The following PDE4B variants were observed in gnomAD, a reference collection of about 807,000 sequenced individuals.
The protein encoded by PDE4B is phosphodiesterase 4B.
PDE4B carries 20 observed loss-of-function variants against 82.2 expected under a neutral mutation model. The ratio of observed to expected loss-of-function variants is 0.24; its 90% CI spans 0.17 to 0.35. The LOEUF is 0.35. PDE4B is among the 10% of genes least tolerant of loss of function. The pLI, the probability that PDE4B is intolerant of heterozygous loss-of-function variation, is 1.00. For missense variants in PDE4B, 655 were observed against 907.2 expected (o/e 0.72, Z 3.57); for synonymous variants, 320 against 318.9 (o/e 1.00, Z -0.04).
At chr1:65,806,522 A>G (rs1179184656) in intron 1 of PDE4B, among the ~76,000 whole-genome samples, 1 of 152,234 alleles carries the variant, frequency 6.6e-6, no homozygotes, top group Admixed American at 6.5e-5. Context: ...AAACTGATTC[A>G]CTTTCAGAGT....
At chr1:66,167,811 C>T (rs1451576156) in intron 3 of PDE4B, among the ~76,000 whole-genome samples, 1 of 152,114 alleles carries the variant, frequency 6.6e-6, no homozygotes, top group East Asian at 1.9e-4. Flanking sequence ...TTAAAATTCT[C>T]CTTATCCAAT....
chr1:66,242,755 A>T (rs201920938), intron 3 of PDE4B, among the ~76,000 whole-genome samples: 5 of 110,896 alleles, frequency 4.5e-5, no homozygotes, highest in East Asian at 4.8e-4. Context: ...TTTTCCTCCC[A>T]GGCTTATGAA....
chr1:66,075,866 T>A (rs904572753), intron 3 of PDE4B, among the ~76,000 whole-genome samples: 6 of 151,924 alleles, frequency 3.9e-5, no homozygotes, highest in Non-Finnish European at 8.8e-5. Flanking sequence ...TCTATGTTTT[T>A]AATGCCGGCA....
intron 3 of PDE4B, among the ~76,000 whole-genome samples, chr1:66,044,164 C>T (rs909373377): frequency 6.6e-6 from 1 of 151,634 alleles, no homozygotes; most frequent in East Asian, 1.9e-4. Context: ...TTCTAAAGGA[C>T]TGAAAAGGGG....
intron 3 of PDE4B, among the ~76,000 whole-genome samples, chr1:66,216,096 C>G (rs1650435351): frequency 6.6e-6 from 1 of 152,010 alleles, no homozygotes; most frequent in Non-Finnish European, 1.5e-5. Context: ...GACTGGACCA[C>G]TGGGTGCCCA....
intron 7 of PDE4B, chr1:66,330,832 G>A: frequency 1.4e-5 from 14 of 975,794 alleles, no homozygotes; most frequent in Non-Finnish European, 1.7e-5. Flanking sequence ...ATGAAGAAAG[G>A]AAGGAAGGTA....
chr1:65,900,478 A>G (rs1032151150), intron 1 of PDE4B, among the ~76,000 whole-genome samples: 3 of 151,792 alleles, frequency 2.0e-5, no homozygotes, highest in Non-Finnish European at 2.9e-5. Flanking sequence ...GAATAGTTTT[A>G]TTCTAATTCT....
At chr1:66,170,830 T>C (rs968877493) in intron 3 of PDE4B, among the ~76,000 whole-genome samples, 1 of 152,208 alleles carries the variant, frequency 6.6e-6, no homozygotes, top group Non-Finnish European at 1.5e-5. Context: ...ATAATTTGTG[T>C]AGTTTTTAAA....
intron 3 of PDE4B, among the ~76,000 whole-genome samples, chr1:66,058,805 A>C (rs2871582): frequency 6.6e-6 from 1 of 152,158 alleles, no homozygotes; most frequent in South Asian, 2.1e-4. Context: ...CAGTAAAGGA[A>C]GGGGAGGGGC....
chr1:66,284,335 G>T lies in PDE4B; in HGVS notation c.634+18248G>T, dbSNP rs190893047. Among the ~76,000 whole-genome samples, 3 of 152,268 alleles carry T rather than the reference G, an allele frequency of 2.0e-5. No homozygotes were observed. The East Asian group carries it at 5.8e-4, about 29-fold the overall frequency. ...CAGCTCAAGTTAGCATATTCTTTGA[G>T]CACCTATTATAACCAAGTGGATTAG... is the stretch of plus-strand genomic sequence containing the variant. On this transcript the variant is annotated intron_variant, in intron 7 of 16. Transcript: ENST00000341517.
At chr1:66,277,386 A>ATTAT (rs1272603319) in intron 7 of PDE4B, among the ~76,000 whole-genome samples, 2 of 151,946 alleles carry the variant, frequency 1.3e-5, no homozygotes, top group East Asian at 1.9e-4. Flanking sequence ...ATTTTATTTT[A>ATTAT]TTATTTATTT....
At chr1:65,804,723 A>T (rs1333104888) in intron 1 of PDE4B, among the ~76,000 whole-genome samples, 1 of 151,934 alleles carries the variant, frequency 6.6e-6, no homozygotes, top group Non-Finnish European at 1.5e-5. Flanking sequence ...ACAGAAATAT[A>T]TTTCTTGGTC....
chr1:66,119,883 C>A (rs181384426), intron 3 of PDE4B, among the ~76,000 whole-genome samples: 6 of 152,178 alleles, frequency 3.9e-5, no homozygotes, highest in Non-Finnish European at 7.4e-5. Flanking sequence ...GGGAAGACAA[C>A]ATGAAGACAC....
intron 3 of PDE4B, among the ~76,000 whole-genome samples, chr1:66,145,749 T>G (rs1646256264): frequency 6.6e-6 from 1 of 152,154 alleles, no homozygotes. Flanking sequence ...AAATGTGGTA[T>G]GAGATAAAAC....
At chr1:66,083,313 T>C (rs1290490277) in intron 3 of PDE4B, among the ~76,000 whole-genome samples, 2 of 152,046 alleles carry the variant, frequency 1.3e-5, no homozygotes, top group Non-Finnish European at 2.9e-5. Flanking sequence ...CCTAACTATA[T>C]AATCATTTTT....
chr1:66,074,694 A>G (rs981329818), intron 3 of PDE4B, among the ~76,000 whole-genome samples: 2 of 17,678 alleles, frequency 1.1e-4, no homozygotes, highest in African/African-American at 2.2e-4. Context: ...CTCTATATGA[A>G]TTTGCTTAAG....
chr1:65,821,244 T>C (rs936639883), intron 1 of PDE4B, among the ~76,000 whole-genome samples: 1 of 152,238 alleles, frequency 6.6e-6, no homozygotes, highest in African/African-American at 2.4e-5. Flanking sequence ...CAGTCTTTTT[T>C]ATTCTTGCTT....
Position 65,980,075 on chromosome 1 carries a change from AGT to A in PDE4B, c.281+61244_281+61245del, listed in dbSNP as rs1650607247. ...GTAAAAGCAAACAGATCCTGAAGTG[AGT>A]GTGAGTCGCCATGAGACGGGTGCCA... On this transcript the variant is annotated intron_variant, in intron 3 of 16. Coordinates refer to ENST00000341517, the MANE Select transcript of PDE4B (RefSeq NM_002600.4). Among the ~76,000 whole-genome samples, 3 of 152,158 alleles carry A rather than the reference AGT, an allele frequency of 2.0e-5. No individual in the cohort carries two copies. The East Asian group carries it at 5.8e-4, about 29-fold the overall frequency.
At chr1:65,989,772 T>G (rs1022669141) in intron 3 of PDE4B, among the ~76,000 whole-genome samples, 2 of 152,310 alleles carry the variant, frequency 1.3e-5, no homozygotes, top group Admixed American at 6.5e-5. Context: ...ATAGTATACT[T>G]TGCTGAAATA....
Sources: allele counts gnomAD v4.1 joint callset (sites outside exome capture counted in the v4.1 genomes callset), GRCh38; gene constraint gnomAD v4.1.1; transcripts MANE v1.5; gene names NCBI Gene and HGNC (gene_info 2026-07-23, HGNC 2026-07-21).